Variants in MDGA2 observed in about 807,000 individuals in gnomAD.
The protein encoded by MDGA2 is MAM domain-containing glycosylphosphatidylinositol anchor protein 2.
Under a neutral mutation model 117.8 loss-of-function variants are expected in MDGA2, and 40 were observed. That is an observed-to-expected ratio of 0.34 (90% confidence interval 0.26 to 0.44). MDGA2 has a LOEUF of 0.44. MDGA2 is among the 20% of genes least tolerant of loss of function. The pLI is 1.00. For missense variants in MDGA2, 1,123 were observed against 1,250.6 expected (o/e 0.90, Z 1.54); for synonymous variants, 452 against 439.0 (o/e 1.03, Z -0.37).
At chr14:47,212,158 G>A (rs1885907927) in intron 3 of MDGA2, among the ~76,000 whole-genome samples, 1 of 152,114 alleles carries the variant, frequency 6.6e-6, no homozygotes. Flanking sequence ...AGAAAAATTA[G>A]TTATCAGAAT....
intron 3 of MDGA2, among the ~76,000 whole-genome samples, chr14:47,162,147 G>A (rs887414045): frequency 1.3e-5 from 2 of 151,536 alleles, no homozygotes; most frequent in South Asian, 2.1e-4. Context: ...GGATTTCACC[G>A]TGTTAGCCAG....
intron 1 of MDGA2, among the ~76,000 whole-genome samples, chr14:47,434,456 T>C (rs1023415589): frequency 5.3e-5 from 8 of 152,120 alleles, no homozygotes; most frequent in Non-Finnish European, 7.4e-5. Context: ...TGAGTGACTT[T>C]TCAGTTGGAA....
chr14:47,459,921 A>T (rs2138589289), intron 1 of MDGA2, among the ~76,000 whole-genome samples: 1 of 152,276 alleles, frequency 6.6e-6, no homozygotes, highest in South Asian at 2.1e-4. Flanking sequence ...CAAACCAGGC[A>T]ATTTATTTTT....
chr14:46,858,462 C>G (rs2138312558), intron 14 of MDGA2, among the ~76,000 whole-genome samples: 1 of 134,800 alleles, frequency 7.4e-6, no homozygotes, highest in South Asian at 2.3e-4. Context: ...GAGTCTCGCT[C>G]TGTCTCCCAG....
intron 1 of MDGA2, among the ~76,000 whole-genome samples, chr14:47,308,021 G>A (rs1443327357): frequency 6.6e-6 from 1 of 152,134 alleles, no homozygotes; most frequent in Non-Finnish European, 1.5e-5. Context: ...GTAGACAGCC[G>A]AGCACAGTGG....
chr14:46,958,360 C>T (rs535846433), intron 8 of MDGA2, among the ~76,000 whole-genome samples: 2 of 151,942 alleles, frequency 1.3e-5, no homozygotes, highest in African/African-American at 2.4e-5. Context: ...AGACCATAAG[C>T]GCTTGGGGGG....
chr14:47,273,789 G>C (rs1251094891), intron 2 of MDGA2, among the ~76,000 whole-genome samples: 1 of 152,098 alleles, frequency 6.6e-6, no homozygotes, highest in Non-Finnish European at 1.5e-5. Flanking sequence ...AAGTTCAGTT[G>C]TATGCTCCCT....
At chr14:47,449,809 C>G (rs1223354151) in intron 1 of MDGA2, among the ~76,000 whole-genome samples, 1 of 152,070 alleles carries the variant, frequency 6.6e-6, no homozygotes. Context: ...TCAGAATGTG[C>G]TTTCTTATGC....
intron 1 of MDGA2, among the ~76,000 whole-genome samples, chr14:47,420,274 AAC>A (rs1892552662): frequency 6.6e-6 from 1 of 152,168 alleles, no homozygotes; most frequent in Non-Finnish European, 1.5e-5. Context: ...CTGGCATAGT[AAC>A]ACACTCACGT....
intron 1 of MDGA2, among the ~76,000 whole-genome samples, chr14:47,405,810 A>G (rs979432489): frequency 6.6e-6 from 1 of 152,178 alleles, no homozygotes; most frequent in Non-Finnish European, 1.5e-5. Context: ...GCAATCATAT[A>G]AATTTAATCA....
chr14:47,111,099 C>T (rs1361909409), intron 5 of MDGA2, among the ~76,000 whole-genome samples: 4 of 152,130 alleles, frequency 2.6e-5, no homozygotes, highest in Non-Finnish European at 4.4e-5. Context: ...ATGTCCTAGA[C>T]ATTCTCCAAA....
intron 1 of MDGA2, among the ~76,000 whole-genome samples, chr14:47,646,668 T>C (rs1433959548): frequency 6.6e-6 from 1 of 152,220 alleles, no homozygotes; most frequent in Non-Finnish European, 1.5e-5. Context: ...ATCATGAGCA[T>C]AATTTCTATG....
intron 9 of MDGA2, among the ~76,000 whole-genome samples, chr14:46,951,412 G>C (rs80322558): frequency 0.062 from 9,459 of 151,934 alleles, 545 homozygotes; most frequent in Admixed American, 0.18. Context: ...GAAAAACCGT[G>C]ACTTCTTTCT....
At chr14:46,903,849 T>C (rs1300396196) in intron 10 of MDGA2, among the ~76,000 whole-genome samples, 1 of 152,188 alleles carries the variant, frequency 6.6e-6, no homozygotes, top group Non-Finnish European at 1.5e-5. Context: ...CAACAGTTTT[T>C]TCAAGTTGAA....
At chr14:47,472,001 CA>C (rs2138617064) in intron 1 of MDGA2, among the ~76,000 whole-genome samples, 1 of 152,094 alleles carries the variant, frequency 6.6e-6, no homozygotes, top group South Asian at 2.1e-4. Flanking sequence ...CAGTGGGGAA[CA>C]GGAAATAAAT....
At chr14:47,443,482 G>A (rs1005612895) in intron 1 of MDGA2, among the ~76,000 whole-genome samples, 4 of 151,922 alleles carry the variant, frequency 2.6e-5, no homozygotes, top group African/African-American at 9.7e-5. Flanking sequence ...GTGTTGACTG[G>A]CTCACAAAAT....
chr14:47,365,606 C>CT (rs915137185), intron 1 of MDGA2, among the ~76,000 whole-genome samples: 1 of 152,142 alleles, frequency 6.6e-6, no homozygotes, highest in Admixed American at 6.5e-5. Flanking sequence ...TTTTATTCTC[C>CT]TTTTTTTCCC....
chr14:47,151,387 C>T (rs531160766), intron 3 of MDGA2, among the ~76,000 whole-genome samples: 1 of 152,284 alleles, frequency 6.6e-6, no homozygotes, highest in South Asian at 2.1e-4. Context: ...TCTTCCAACG[C>T]TTCCAGGAAG....
chr14:47,390,117 C>T (rs1267686737), intron 1 of MDGA2, among the ~76,000 whole-genome samples: 3 of 152,120 alleles, frequency 2.0e-5, no homozygotes, highest in Admixed American at 6.6e-5. Flanking sequence ...CAATTTAAAA[C>T]GGTCCCTAAA....
Sources: gnomAD v4.1 joint callset for allele counts (sites outside exome capture counted in the v4.1 genomes callset) on GRCh38, gnomAD v4.1.1 for gene constraint, MANE v1.5 for transcripts, NCBI Gene and HGNC (gene_info 2026-07-23, HGNC 2026-07-21) for gene names.